Variants in VPS9D1 observed in about 807,000 individuals in gnomAD.
VPS9D1 encodes the protein VPS9 domain-containing protein 1.
VPS9D1 carries 78 observed loss-of-function variants against 75.8 expected under a neutral mutation model. The ratio of observed to expected loss-of-function variants is 1.03; its 90% CI spans 0.86 to 1.24. VPS9D1 has a LOEUF of 1.24. Ranked by LOEUF, VPS9D1 falls within the 50% of genes most tolerant of loss-of-function variation. VPS9D1 has a pLI of 0.00. For synonymous variants in VPS9D1, 481 were observed against 385.6 expected, an observed-to-expected ratio of 1.25 and a Z score of -2.90; for missense variants, 1,057 against 847.7, an observed-to-expected ratio of 1.25 and a Z score of -3.07.
rs975909033 is a variant in VPS9D1, at chr16:89,709,912, A to G, written c.1259-6T>C. 3 of 1,603,898 alleles carry G rather than the reference A, an allele frequency of 1.9e-6. No homozygotes were observed. In the Admixed American group the frequency reaches 5.1e-5, roughly 27 times the overall value. ...GGTCAGCGAGAGCAGCCTGTCTGCT[A>G]GGAACAGAGCCGGGGACGTCCACAG... On this transcript the variant is annotated splice_region_variant and splice_polypyrimidine_tract_variant and intron_variant, in intron 10 of 14. Coordinates refer to ENST00000389386, the MANE Select transcript of VPS9D1 (RefSeq NM_004913.3).
chr16:89,713,165 ACT>A (rs971122905), intron 4 of VPS9D1: 3 of 152,854 alleles, frequency 2.0e-5, no homozygotes, highest in African/African-American at 4.8e-5. Flanking sequence ...ATAGAGTGAG[ACT>A]CTGTCTCAAA....
chr16:89,708,590 C>T (rs2060842472), intron 13 of VPS9D1, 59 bp from the exon 14 acceptor site: 3 of 1,541,212 alleles, frequency 1.9e-6, no homozygotes, highest in Admixed American at 1.8e-5. Context: ...TCCGCAAACC[C>T]AGCAGCTGTG....
intron 1 of VPS9D1, among the ~76,000 whole-genome samples, chr16:89,719,652 A>T (rs2061190885): frequency 6.6e-6 from 1 of 152,200 alleles, no homozygotes; most frequent in South Asian, 2.1e-4. Context: ...AGGAGCCTAG[A>T]ACTGTTACCT....
At chr16:89,717,756 C>A (rs2061111079) in intron 2 of VPS9D1, 1 of 456,568 alleles carries the variant, frequency 2.2e-6, no homozygotes, top group South Asian at 1.5e-5. Flanking sequence ...CCACCCAACT[C>A]CTCAATCTTG....
rs368354731 is a variant in VPS9D1 at position 89,708,909 on chromosome 16, T to A, written c.1645A>T (p.Thr549Ser). Residue 549 changes from threonine (T) to serine (S), a missense_variant, in exon 13 of 15, where the codon ACC becomes TCC. Physicochemically the swap from Thr to Ser is moderately conservative, Grantham distance 58. Coordinates refer to ENST00000389386, the MANE Select transcript of VPS9D1 (RefSeq NM_004913.3). ...ICVCAEDYCP[T>S]PEATPQAGPP... The stretch of plus-strand genomic sequence containing the variant: ...CCGGCCTGGGGTGTGGCCTCTGGGG[T>A]GGGGCAGTAGTCTTCCGCACAGACA... The A allele has an allele frequency of 1.7e-5, 27 of 1,597,842 alleles. No homozygotes were observed. The African/African-American group carries it at 3.5e-4, about 21-fold the overall frequency.
In VPS9D1 at chr16:89,712,876, G is replaced by C. The variant is rs1373139570; in HGVS notation, c.432-160C>G. Reference sequence around the variant, plus strand: ...TGGGCTGCAACATCTGCCCCTTCTTGCCTGCCCTTCCAAAACACAGGTTTT... The same window carrying C: ...TGGGCTGCAACATCTGCCCCTTCTTCCCTGCCCTTCCAAAACACAGGTTTT... On this transcript the variant is annotated intron_variant, in intron 4 of 14. Transcript: ENST00000389386. The C allele has an allele frequency of 5.0e-6, 3 of 596,154 alleles. No homozygotes were observed. The Admixed American group carries it at 1.1e-4, about 22-fold the overall frequency. The allele number at this position is 596,154 out of a possible 1,614,324, so 36.9% of individuals were successfully genotyped here. A position where few individuals can be genotyped will look rare whatever the true frequency, so the allele number is the denominator to read the frequency against.
rs973062553 is a variant in VPS9D1 at position 89,707,555 on chromosome 16, C to T, written c.*306G>A. 5 of 323,412 alleles carry T rather than the reference C, an allele frequency of 1.5e-5. No homozygotes were observed. Among genetic ancestry groups the T allele is most frequent in the African/African-American group, 6.4e-5 (3 of 46,802 alleles). 20.0% of individuals were successfully genotyped at this position (323,412 alleles called of 1,614,324 possible). On this transcript the variant is annotated 3_prime_UTR_variant, in exon 15 of 15. Transcript: ENST00000389386. Reference sequence around the variant, plus strand: ...TGTTCATCGCTGAGCCTGCACCCACCGAAGCCCAAAGCTTCCCTTCTTGGC... The same window carrying T: ...TGTTCATCGCTGAGCCTGCACCCACTGAAGCCCAAAGCTTCCCTTCTTGGC...
chr16:89,718,144 A>G (rs996811371), intron 2 of VPS9D1: 2 of 441,938 alleles, frequency 4.5e-6, no homozygotes, highest in Admixed American at 4.9e-5. Flanking sequence ...CTCAAACTTA[A>G]TGTGTTCATT....
At position 89,707,945 on chromosome 16, in the gene VPS9D1, G is replaced by T. The variant is rs781264612; in HGVS notation, c.1812C>A (p.Ile604=). The T allele has an allele frequency of 2.5e-6, 4 of 1,612,930 alleles. No homozygotes were observed. In the African/African-American group the frequency reaches 5.3e-5, roughly 21 times the overall value. ...LEEFIHEGYL[I]GEEGYCLTSL... is the part of the protein sequence containing the mutation. ...ATGTGAGGCAGTAGCCCTCCTCTCC[G>T]ATCAGGTACCTGCATGGATGGCAGG... The change falls in exon 15 of 15, where the codon ATC becomes ATA. Residue 604 remains isoleucine (I), a synonymous_variant. Transcript: ENST00000389386.
chr16:89,710,009 C>A (rs1417085283), intron 10 of VPS9D1, 103 bp from the exon 11 acceptor site: 1 of 1,484,156 alleles, frequency 6.7e-7, no homozygotes, highest in East Asian at 2.3e-5. Flanking sequence ...CCTCTTTCCA[C>A]CGCCTTCAAG....
rs1472985950 is a variant in VPS9D1, at chr16:89,710,973, G to C, written c.871C>G (p.Leu291Val). The C allele has an allele frequency of 7.6e-6, 11 of 1,444,340 alleles. No homozygotes were observed. In the African/African-American group the frequency reaches 1.0e-4, roughly 13 times the overall value. 89.5% of individuals were successfully genotyped at this position (1,444,340 alleles called of 1,614,324 possible). ...DHPIAQLLRRLQCSVYSALYP... is the reference protein window; with the variant it reads ...DHPIAQLLRRVQCSVYSALYP... ...AGGGCGCTGTACACGGAGCACTGCA[G>C]CCGCCTCAGGAGCTGCGCGATCGGG... The change falls in exon 10 of 15, where the codon CTG (leucine) becomes GTG (valine). Residue 291 changes from leucine (L) to valine (V), a missense_variant. Leu to Val is a conservative substitution (Grantham distance 32, BLOSUM62 1). Coordinates refer to ENST00000389386, the MANE Select transcript of VPS9D1 (RefSeq NM_004913.3).
At chr16:89,717,716 G>C (rs1378727281) in intron 2 of VPS9D1, 1 of 456,368 alleles carries the variant, frequency 2.2e-6, no homozygotes, top group East Asian at 7.0e-5. Flanking sequence ...CTGGGACTTT[G>C]CTCTCCCCAG....
In VPS9D1 at chr16:89,712,050, T is replaced by A. The variant is rs1051505145; in HGVS notation, c.656A>T (p.Asn219Ile). The A allele has an allele frequency of 2.8e-5, 44 of 1,548,816 alleles. No individual in the cohort carries two copies. The highest frequency in any genetic ancestry group is 3.8e-5 in the Non-Finnish European group (44 of 1,146,770). Residue 219 changes from asparagine (N) to isoleucine (I), a missense_variant, in exon 7 of 15, where the codon AAC becomes ATC. Asn to Ile is a moderately radical substitution (Grantham distance 149). Coordinates refer to ENST00000389386, the MANE Select transcript of VPS9D1 (RefSeq NM_004913.3). ...CAGGGGCGGGCAGGAGTCCCACCTG[T>A]TGGCGGCCTCCTGGAGCCGCAGCCG... ...ERRLRLQEAA[N>I]RRFCSQVALT...
chr16:89,711,965 ACCT>A lies in VPS9D1; in HGVS notation c.661_663del (p.Arg221del). 1 of 1,550,492 alleles carries A rather than the reference ACCT, an allele frequency of 6.4e-7. No homozygotes were observed. Among genetic ancestry groups the A allele is most frequent in the African/African-American group, 1.4e-5 (1 of 73,018 alleles). On this transcript the variant is annotated inframe_deletion and splice_region_variant, in exon 8 of 15. Transcript: ENST00000389386. Reference sequence around the variant, plus strand: ...GGGGTCAGGGCGACTTGGCTGCAAAACCTCCTGGGGAGAAAGGCACGCGGTGGG... The same window carrying A: ...GGGGTCAGGGCGACTTGGCTGCAAAACCTGGGGAGAAAGGCACGCGGTGGG...
Position 89,711,956 on chromosome 16 carries a change from G to C in VPS9D1, c.673C>G (p.Gln225Glu), listed in dbSNP as rs1319915862. 9.0e-6 allele frequency: 14 copies of C among 1,551,136 alleles called. No individual in the cohort carries two copies. Among genetic ancestry groups the C allele is most frequent in the Non-Finnish European group, 1.1e-5 (13 of 1,146,922 alleles). The change falls in exon 8 of 15, where the codon CAA (glutamine) becomes GAA (glutamate). Residue 225 changes from glutamine to glutamate, a missense_variant. Gln to Glu is a conservative substitution (Grantham distance 29). Transcript: ENST00000389386. ...QEAANRRFCSQVALTPEEREQ... is the reference protein window; with the variant it reads ...QEAANRRFCSEVALTPEEREQ... ...CGTTCCTCCGGGGTCAGGGCGACTT[G>C]GCTGCAAAACCTCCTGGGGAGAAAG...
In VPS9D1 at chr16:89,712,037, G is replaced by A. The variant is rs1567545971; in HGVS notation, c.659+10C>T. ...CCCGCAGCGGCCCCAGGGGCGGGCA[G>A]GAGTCCCACCTGTTGGCGGCCTCCT... On this transcript the variant is annotated intron_variant, in intron 7 of 14. Transcript: ENST00000389386. The A allele has an allele frequency of 1.3e-6, 2 of 1,549,116 alleles. No individual in the cohort carries two copies. The highest frequency in any genetic ancestry group is 4.9e-5 in the East Asian group (2 of 40,892).
Position 89,711,335 on chromosome 16 carries a change from G to C in VPS9D1, c.825C>G (p.His275Gln). The C allele has an allele frequency of 6.2e-7, 1 of 1,609,464 alleles. No homozygotes were observed. Among genetic ancestry groups the C allele is most frequent in the Admixed American group, 1.7e-5 (1 of 59,480 alleles). ...DLSLVTSLVS[H>Q]LLSLPDHPIA... is the part of the protein sequence containing the mutation. ...CCTGAAGGCCCAGCTACCTGAGCAG[G>C]TGTGAGACCAGGCTGGTCACGAGTG... Residue 275 changes from histidine to glutamine, a missense_variant, in exon 9 of 15, where the codon CAC becomes CAG. Coordinates refer to ENST00000389386, the MANE Select transcript of VPS9D1 (RefSeq NM_004913.3).
Position 89,712,066 on chromosome 16 carries a change from G to C in VPS9D1, c.640C>G (p.Leu214Val), listed in dbSNP as rs750895319. 41 of 1,548,580 alleles carry C rather than the reference G, an allele frequency of 2.6e-5. No homozygotes were observed. The South Asian group carries it at 4.8e-4, about 18-fold the overall frequency. Reference sequence around the variant, plus strand: ...TCCCACCTGTTGGCGGCCTCCTGGAGCCGCAGCCGGCGCTCCTCCATCTTT... The same window carrying C: ...TCCCACCTGTTGGCGGCCTCCTGGACCCGCAGCCGGCGCTCCTCCATCTTT... ...QRKMEERRLR[L>V]QEAANRRFCS... The change falls in exon 7 of 15, where the codon CTC (leucine) becomes GTC (valine). Residue 214 changes from leucine to valine, a missense_variant. Transcript: ENST00000389386.
intron 14 of VPS9D1, 23 bp downstream of exon 14, chr16:89,708,404 C>T (rs1308629072): frequency 1.9e-6 from 3 of 1,595,630 alleles, no homozygotes; most frequent in South Asian, 2.3e-5. Flanking sequence ...CAGAGACCCC[C>T]ACCCTGACCC....
Sources: allele counts gnomAD v4.1 joint callset (sites outside exome capture counted in the v4.1 genomes callset), GRCh38; gene constraint gnomAD v4.1.1; transcripts MANE v1.5; gene names NCBI Gene and HGNC (gene_info 2026-07-23, HGNC 2026-07-21).